Variants in COL6A5 observed in about 807,000 individuals in gnomAD.
COL6A5 encodes the protein collagen alpha-5(VI) chain.
A neutral mutation model predicts 65.6 loss-of-function variants in COL6A5; 48 were observed. That is an observed-to-expected ratio of 0.73 (90% CI 0.58 to 0.93). The LOEUF is 0.93. Ranked by LOEUF, COL6A5 falls within the 40% of genes least tolerant of loss-of-function variation. The probability of loss-of-function intolerance (pLI) is 0.00; values close to 1 mark genes in which losing one functional copy is unlikely to be tolerated. For missense variants in COL6A5, 914 were observed against 928.3 expected (o/e 0.98, Z 0.20); for synonymous variants, 291 against 322.8 (o/e 0.90, Z 1.05).
chr3:130,457,817 T>C (rs1709611756), intron 5 of COL6A5, among the ~76,000 whole-genome samples: 1 of 152,068 alleles, frequency 6.6e-6, no homozygotes, highest in African/African-American at 2.4e-5. Flanking sequence ...TCCTGTAGAG[T>C]GAGTTGTAGT....
chr3:130,484,073 T>C, exon 8 of COL6A5: 1 of 1,604,070 alleles, frequency 6.2e-7, no homozygotes, highest in Non-Finnish European at 8.5e-7. Flanking sequence ...GAAAAGAAGA[T>C]AGCTCCACTG....
chr3:130,456,534 T>C (rs1260382518), intron 5 of COL6A5, among the ~76,000 whole-genome samples: 2 of 152,138 alleles, frequency 1.3e-5, no homozygotes, highest in Non-Finnish European at 2.9e-5. Flanking sequence ...TTCTCCATGA[T>C]GTGATTATTA....
chr3:130,397,785 T>A (rs1308071495), exon 9 of COL6A5: 2 of 1,551,688 alleles, frequency 1.3e-6, no homozygotes, highest in Non-Finnish European at 1.7e-6. Flanking sequence ...AAGGATTCCC[T>A]GCCAAGTTCC....
chr3:130,424,543 T>C (rs1295455306), intron 29 of COL6A5, among the ~76,000 whole-genome samples: 2 of 152,116 alleles, frequency 1.3e-5, no homozygotes, highest in Non-Finnish European at 2.9e-5. Flanking sequence ...TGTTTTGTGG[T>C]GGAGACCCAG....
At chr3:130,355,750 T>C (rs549012120) in intron 1 of COL6A5, among the ~76,000 whole-genome samples, 8 of 152,114 alleles carry the variant, frequency 5.3e-5, no homozygotes, top group Admixed American at 6.5e-5. Flanking sequence ...TAAAGAATTA[T>C]GTATTTAAAA....
intron 1 of COL6A5, among the ~76,000 whole-genome samples, chr3:130,436,424 T>G (rs2107699049): frequency 6.6e-6 from 1 of 152,242 alleles, no homozygotes; most frequent in South Asian, 2.1e-4. Context: ...CCTTCATTTC[T>G]TGGCTCCCAT....
intron 4 of COL6A5, among the ~76,000 whole-genome samples, chr3:130,453,802 G>A (rs753116861): frequency 6.6e-6 from 1 of 152,148 alleles, no homozygotes; most frequent in Non-Finnish European, 1.5e-5. Context: ...TCTCAGAGCA[G>A]ATAAGGTCTC....
chr3:130,391,409 A>G, exon 7 of COL6A5: 1 of 1,551,692 alleles, frequency 6.4e-7, no homozygotes, highest in Non-Finnish European at 8.7e-7. Flanking sequence ...GAATCTGCGG[A>G]AGCGCAGGGA....
At chr3:130,376,520 T>A (rs764583437) in exon 3 of COL6A5, 3 of 1,605,376 alleles carry the variant, frequency 1.9e-6, no homozygotes, top group Admixed American at 3.4e-5. Context: ...TTCAGGAGGC[T>A]CATAGGACCT....
At chr3:130,450,471 T>C (rs1383796412) in intron 4 of COL6A5, among the ~76,000 whole-genome samples, 1 of 151,964 alleles carries the variant, frequency 6.6e-6, no homozygotes, top group East Asian at 1.9e-4. Flanking sequence ...GTGGGACCAG[T>C]TTGGTTGGTG....
chr3:130,420,420 G>A (rs543154730), intron 25 of COL6A5, among the ~76,000 whole-genome samples: 3 of 152,150 alleles, frequency 2.0e-5, no homozygotes, highest in Admixed American at 6.6e-5. Flanking sequence ...TTATGTGACC[G>A]ATATCTTGTT....
intron 5 of COL6A5, among the ~76,000 whole-genome samples, chr3:130,457,366 A>G (rs116530649): frequency 0.013 from 1,957 of 152,200 alleles, 45 homozygotes; most frequent in African/African-American, 0.045. Flanking sequence ...TGGATATGAA[A>G]GAAATGAAGC....
intron 1 of COL6A5, among the ~76,000 whole-genome samples, chr3:130,364,416 C>G (rs557186412): frequency 2.0e-5 from 3 of 152,266 alleles, no homozygotes; most frequent in African/African-American, 4.8e-5. Context: ...AACATGGTAC[C>G]TTCTCTCAAA....
chr3:130,372,484 T>A (rs1237840294), intron 1 of COL6A5, among the ~76,000 whole-genome samples: 2 of 152,094 alleles, frequency 1.3e-5, no homozygotes, highest in African/African-American at 4.8e-5. Flanking sequence ...GGAATATTAC[T>A]CAGCCATAAA....
At chr3:130,457,345 A>G (rs1225232984) in intron 5 of COL6A5, among the ~76,000 whole-genome samples, 1 of 152,124 alleles carries the variant, frequency 6.6e-6, no homozygotes, top group Non-Finnish European at 1.5e-5. Context: ...TTCAGGAAAG[A>G]CAGATATGAC....
At chr3:130,391,805 C>G in intron 7 of COL6A5, 51 bp downstream of exon 7, 1 of 1,362,364 alleles carries the variant, frequency 7.3e-7, no homozygotes, top group Non-Finnish European at 9.9e-7. Context: ...AAAGTTTAAA[C>G]AAAAAGTAAA....
Position 130,373,593 on chromosome 3 carries a change from A to G in COL6A5, c.-28-18A>G, listed in dbSNP as rs756031926. The G allele has an allele frequency of 2.6e-5, 31 of 1,187,154 alleles. 1 individual carries two copies. Among genetic ancestry groups the G allele is most frequent in the Middle Eastern group, 4.6e-4 (2 of 4,330 alleles). The allele number at this position is 1,187,154 out of a possible 1,614,324, so 73.5% of individuals were successfully genotyped here. A position where few individuals can be genotyped will look rare whatever the true frequency, so the allele number is the denominator to read the frequency against. Reference sequence around the variant, plus strand: ...ATAAAATAAAATTTTTCATAATGTAAATAATTTTCTTTTGCAGAACAAAAG... The same window carrying G: ...ATAAAATAAAATTTTTCATAATGTAGATAATTTTCTTTTGCAGAACAAAAG... On this transcript the variant is annotated intron_variant and NMD_transcript_variant, in intron 1 of 41. Coordinates refer to the COL6A5 transcript ENST00000312481.
At chr3:130,379,834 C>T (rs570877366) in exon 4 of COL6A5, 38 of 1,551,204 alleles carry the variant, frequency 2.4e-5, no homozygotes, top group Non-Finnish European at 3.1e-5. Context: ...GCTGAACCTT[C>T]GACTGGAGGA....
chr3:130,419,995 A>G (rs996007372), intron 25 of COL6A5, among the ~76,000 whole-genome samples: 1 of 152,110 alleles, frequency 6.6e-6, no homozygotes, highest in African/African-American at 2.4e-5. Flanking sequence ...TACACCCACA[A>G]TCCATTGCCT....
Sources: gnomAD v4.1 joint callset for allele counts (sites outside exome capture counted in the v4.1 genomes callset) on GRCh38, gnomAD v4.1.1 for gene constraint, MANE v1.5 for transcripts, NCBI Gene and HGNC (gene_info 2026-07-23, HGNC 2026-07-21) for gene names.